Variants in CASD1 observed in about 807,000 individuals in gnomAD.
CASD1 encodes the protein N-acetylneuraminate (7)9-O-acetyltransferase.
Under a neutral mutation model 100.0 loss-of-function variants are expected in CASD1, and 41 were observed. The ratio of observed to expected loss-of-function variants is 0.41; its 90% confidence interval spans 0.32 to 0.53. CASD1 has a LOEUF of 0.53. Ranked by LOEUF, CASD1 falls within the 20% of genes least tolerant of loss-of-function variation. The pLI is 0.25. For missense variants in CASD1, 774 were observed against 948.7 expected (o/e 0.82, Z 2.42); for synonymous variants, 321 against 315.6 (o/e 1.02, Z -0.18).
intron 14 of CASD1, among the ~76,000 whole-genome samples, chr7:94,550,012 C>A (rs1362373854): frequency 6.6e-6 from 1 of 152,046 alleles, no homozygotes; most frequent in Non-Finnish European, 1.5e-5. Context: ...AGAAAGAAGA[C>A]ATCTCAGCAG....
chr7:94,600,763 G>A, the CASD1 span: 1 of 1,613,598 alleles, frequency 6.2e-7, no homozygotes, highest in Non-Finnish European at 8.5e-7. Flanking sequence ...GCTTTTCAAA[G>A]AATCAGAAGG....
In CASD1 at chr7:94,555,434, A is replaced by G. The variant is rs547531387; in HGVS notation, c.2128-58A>G. The G allele has an allele frequency of 6.1e-5, 92 of 1,506,490 alleles. No homozygotes were observed. In the South Asian group the frequency reaches 9.9e-4, roughly 16 times the overall value. The allele number at this position is 1,506,490 out of a possible 1,614,324, so 93.3% of individuals were successfully genotyped here. A position where few individuals can be genotyped will look rare whatever the true frequency, so the allele number is the denominator to read the frequency against. On this transcript the variant is annotated intron_variant, in intron 17 of 17. Coordinates refer to ENST00000297273, the MANE Select transcript of CASD1 (RefSeq NM_022900.5). ...AACCAAATTGTTTAAATTAGGGAAA[A>G]CTGTAATTTATTCATGGACCCTCTA...
chr7:94,529,314 G>T lies in CASD1; in HGVS notation c.459+1064G>T, dbSNP rs1455873334. 2.0e-5 allele frequency among the ~76,000 whole-genome samples: 3 copies of T among 152,232 alleles called. No individual in the cohort carries two copies. In the East Asian group the frequency reaches 5.8e-4, roughly 29 times the overall value. The stretch of plus-strand genomic sequence containing the variant: ...ACACTACAATTTGTAAATCCTGCAA[G>T]ATCACAGAAAACCTTTATAGGCTAT... On this transcript the variant is annotated intron_variant, in intron 5 of 17. Coordinates refer to ENST00000297273, the MANE Select transcript of CASD1 (RefSeq NM_022900.5).
chr7:94,523,708 T>A (rs531676563), intron 3 of CASD1, among the ~76,000 whole-genome samples: 2 of 152,292 alleles, frequency 1.3e-5, no homozygotes, highest in South Asian at 4.1e-4. Context: ...ACCGATGGAT[T>A]CTAAATTTTT....
At chr7:94,627,830 G>C in the CASD1 span, 28 of 208,236 alleles carry the variant, frequency 1.3e-4, no homozygotes, top group Non-Finnish European at 2.4e-4. Flanking sequence ...CAAGTAGCAG[G>C]GGTATATGTC....
At position 94,530,347 on chromosome 7, in the gene CASD1, CTTT is replaced by C. The variant is rs1562938531; in HGVS notation, c.459+2098_459+2100del. On this transcript the variant is annotated intron_variant, in intron 5 of 17. Coordinates refer to ENST00000297273, the MANE Select transcript of CASD1 (RefSeq NM_022900.5). The stretch of plus-strand genomic sequence containing the variant: ...AGTGGAGCTGACATACAAAATGCTT[CTTT>C]ATGTGTGTTGGTTTTGGTTGTTCTT... Among the ~76,000 whole-genome samples the C allele has an allele frequency of 2.0e-5, 3 of 152,054 alleles. No homozygotes were observed. The East Asian group carries it at 5.8e-4, about 29-fold the overall frequency.
the CASD1 span, chr7:94,585,653 C>A: frequency 3.0e-6 from 2 of 664,424 alleles, no homozygotes; most frequent in South Asian, 2.0e-5. Flanking sequence ...TGCATTATTT[C>A]TCTGTATTTG....
chr7:94,594,806 A>G, the CASD1 span, among the ~76,000 whole-genome samples: 1 of 152,174 alleles, frequency 6.6e-6, no homozygotes, highest in Non-Finnish European at 1.5e-5. Flanking sequence ...GATCAAATTA[A>G]GTTGGCCTTA....
chr7:94,629,845 A>C, the CASD1 span: 1 of 1,610,448 alleles, frequency 6.2e-7, no homozygotes, highest in Non-Finnish European at 8.5e-7. Context: ...CTGTACACTG[A>C]AAACAAAGAG....
At chr7:94,565,169 A>C in the CASD1 span, among the ~76,000 whole-genome samples, 1 of 151,920 alleles carries the variant, frequency 6.6e-6, no homozygotes, top group Admixed American at 6.6e-5. Flanking sequence ...TGGTAAAGCA[A>C]CTCTGACACT....
At chr7:94,544,320 C>T in intron 10 of CASD1, 91 bp from the exon 11 acceptor site, 2 of 1,449,118 alleles carry the variant, frequency 1.4e-6, no homozygotes, top group African/African-American at 1.4e-5. Context: ...TGCTAATAAT[C>T]ATTTATTATC....
intron 7 of CASD1, among the ~76,000 whole-genome samples, chr7:94,534,283 C>G (rs902417339): frequency 1.3e-5 from 2 of 151,456 alleles, no homozygotes; most frequent in African/African-American, 4.9e-5. Context: ...CCTTCCGCCT[C>G]AGCCTCCTGA....
intron 16 of CASD1, chr7:94,553,222 T>C (rs1488738433): frequency 3.5e-6 from 1 of 288,874 alleles, no homozygotes; most frequent in Non-Finnish European, 7.0e-6. Flanking sequence ...CTATAGTAAG[T>C]ACCTTATGTA....
chr7:94,603,547 G>A, the CASD1 span: 2 of 1,196,548 alleles, frequency 1.7e-6, no homozygotes, highest in African/African-American at 1.5e-5. Flanking sequence ...CTTTTGAATT[G>A]AGAGATTAAC....
At chr7:94,576,986 G>A in the CASD1 span, among the ~76,000 whole-genome samples, 1 of 152,014 alleles carries the variant, frequency 6.6e-6, no homozygotes, top group Non-Finnish European at 1.5e-5. Context: ...CAGAATTTCT[G>A]TTTCTTATAA....
chr7:94,574,827 G>A, the CASD1 span, among the ~76,000 whole-genome samples: 7 of 151,972 alleles, frequency 4.6e-5, no homozygotes, highest in East Asian at 1.9e-4. Flanking sequence ...AAAATTAGCC[G>A]GGCATGGCAG....
At position 94,533,269 on chromosome 7, in the gene CASD1, C is replaced by T; in HGVS notation, c.504+20C>T. On this transcript the variant is annotated intron_variant, in intron 6 of 17. Transcript: ENST00000297273. Reference sequence around the variant, plus strand: ...GCCACAGTAAGTTATCATCTGTATTCTTACTTAATGATTTTGTTTCACGTT... The same window carrying T: ...GCCACAGTAAGTTATCATCTGTATTTTTACTTAATGATTTTGTTTCACGTT... 6.3e-7 allele frequency: 1 copy of T among 1,592,968 alleles called. No homozygotes were observed. The highest frequency in any genetic ancestry group is 8.6e-7 in the Non-Finnish European group (1 of 1,165,322).
the CASD1 span, among the ~76,000 whole-genome samples, chr7:94,606,725 A>AT: frequency 3.9e-5 from 6 of 152,216 alleles, no homozygotes; most frequent in Admixed American, 2.6e-4. Flanking sequence ...ACCATAAAAA[A>AT]TTAACAAATT....
the CASD1 span, among the ~76,000 whole-genome samples, chr7:94,614,106 T>TAAAAAAA: frequency 8.9e-4 from 49 of 54,870 alleles, no homozygotes; most frequent in South Asian, 3.5e-3. Flanking sequence ...CAAATTGAAA[T>TAAAAAAA]CAAAAAAAAA....
Sources: gnomAD v4.1 joint callset for allele counts (sites outside exome capture counted in the v4.1 genomes callset) on GRCh38, gnomAD v4.1.1 for gene constraint, MANE v1.5 for transcripts, NCBI Gene and HGNC (gene_info 2026-07-23, HGNC 2026-07-21) for gene names.